The following ANO5 variants were observed in gnomAD, a reference collection of about 807,000 sequenced individuals.
ANO5 encodes anoctamin 5.
ANO5 carries 109 observed loss-of-function variants against 121.0 expected under a neutral mutation model. That is an observed-to-expected ratio of 0.90 (90% CI 0.77 to 1.06). The LOEUF is 1.06. Ranked by LOEUF, ANO5 falls within the 50% of genes least tolerant of loss-of-function variation. ANO5 has a pLI of 0.00. For synonymous variants in ANO5, 406 were observed against 359.9 expected (o/e 1.13, Z -1.45); for missense variants, 1,064 against 1,078.5 (o/e 0.99, Z 0.19).
intron 17 of ANO5, among the ~76,000 whole-genome samples, chr11:22,269,409 AAAG>A (rs1224890192): frequency 5.4e-5 from 8 of 148,376 alleles, no homozygotes; most frequent in Non-Finnish European, 8.9e-5. Flanking sequence ...AAGGAGAAAA[AAAG>A]AGAAGGAAAA....
chr11:22,211,218 C>T (rs755959029), intron 2 of ANO5, 46 bp from the exon 3 acceptor site: 3 of 1,594,678 alleles, frequency 1.9e-6, no homozygotes, highest in Non-Finnish European at 2.6e-6. Context: ...CTTTGCTCCA[C>T]CTGCACTATT....
At chr11:22,260,347 G>A (rs909924257) in intron 15 of ANO5, among the ~76,000 whole-genome samples, 45 of 152,300 alleles carry the variant, frequency 3.0e-4, no homozygotes, top group African/African-American at 1.1e-3. Flanking sequence ...CAAGTTAGCA[G>A]TAAGATCGGA....
intron 9 of ANO5, among the ~76,000 whole-genome samples, chr11:22,242,599 G>T (rs1771944711): frequency 6.6e-6 from 1 of 152,026 alleles, no homozygotes; most frequent in African/African-American, 2.4e-5. Context: ...TCCTTGTAGA[G>T]ATCTTTCACC....
intron 9 of ANO5, among the ~76,000 whole-genome samples, chr11:22,240,859 A>AT (rs1853406551): frequency 6.6e-6 from 1 of 151,564 alleles, no homozygotes; most frequent in Non-Finnish European, 1.5e-5. Context: ...TCATGCTAAT[A>AT]TTTTTCTTTA....
intron 9 of ANO5, among the ~76,000 whole-genome samples, chr11:22,241,578 A>G (rs901345123): frequency 6.6e-6 from 1 of 152,094 alleles, no homozygotes; most frequent in Non-Finnish European, 1.5e-5. Flanking sequence ...CTTTTTAATC[A>G]TAGCCATTCT....
chr11:22,250,758 C>A lies in ANO5; in HGVS notation c.1031C>A (p.Pro344His). The change falls in exon 11 of 22, where the codon CCT becomes CAT. Residue 344 changes from proline to histidine, a missense_variant. Pro to His is a moderately conservative substitution (Grantham distance 77). Transcript: ENST00000324559. ...HNTSSTEICD[P>H]EIGGQMIMCP... ...TCTTGCAGCACTGAAATCTGTGACC[C>A]TGAGATTGGTGGTCAGATGATCATG... The A allele has an allele frequency of 6.2e-7, 1 of 1,613,938 alleles. No homozygotes were observed.
chr11:22,268,265 A>C (rs1045181033), intron 17 of ANO5, among the ~76,000 whole-genome samples: 1 of 146,856 alleles, frequency 6.8e-6, no homozygotes, highest in Non-Finnish European at 1.5e-5. Flanking sequence ...TTTCAATATA[A>C]ACAGTTGACT....
intron 13 of ANO5, 72 bp downstream of exon 13, chr11:22,255,594 T>A: frequency 4.5e-6 from 7 of 1,559,954 alleles, no homozygotes; most frequent in Non-Finnish European, 6.2e-6. Flanking sequence ...TCTCATATAA[T>A]CATAGTTTAT....
At position 22,221,101 on chromosome 11, in the gene ANO5, A is replaced by G. The variant is rs754497228; in HGVS notation, c.185A>G (p.Gln62Arg). The change falls in exon 5 of 22, where the codon CAA becomes CGA. Residue 62 changes from glutamine to arginine, a missense_variant. Physicochemically the swap from Gln to Arg is conservative, Grantham distance 43. Transcript: ENST00000324559. ...TGTCATTTATGTCTCCTGCAGTTTC[A>G]AAAAAATCAGCAAAGCAAAGATTCT... ...NLFLRRRLMF[Q>R]KNQQSKDSIF... 50 of 1,606,458 alleles carry G rather than the reference A, an allele frequency of 3.1e-5. 1 individual carries two copies. Among genetic ancestry groups the G allele is most frequent in the Non-Finnish European group, 3.8e-5 (45 of 1,174,488 alleles).
intron 5 of ANO5, 123 bp from the exon 6 acceptor site, chr11:22,225,861 A>C (rs536164637): frequency 1.4e-6 from 1 of 705,388 alleles, no homozygotes; most frequent in African/African-American, 1.8e-5. Context: ...GCATTTTTAT[A>C]TACAACCATG....
intron 1 of ANO5, among the ~76,000 whole-genome samples, chr11:22,195,539 C>T (rs566784053): frequency 1.8e-3 from 268 of 152,226 alleles, no homozygotes; most frequent in Admixed American, 3.9e-3. Context: ...AGCGATCCTG[C>T]CACCTCAGCC....
chr11:22,252,007 G>A (rs947046513), intron 12 of ANO5, among the ~76,000 whole-genome samples: 1 of 112,500 alleles, frequency 8.9e-6, no homozygotes, highest in Non-Finnish European at 1.6e-5. Flanking sequence ...TCAAGCCTGA[G>A]AGACAGAGCA....
intron 5 of ANO5, among the ~76,000 whole-genome samples, chr11:22,223,641 G>C (rs985341983): frequency 6.6e-6 from 1 of 151,942 alleles, no homozygotes; most frequent in Admixed American, 6.6e-5. Flanking sequence ...CCTTTCTAAA[G>C]TTGCAGGCAG....
chr11:22,205,128 T>C (rs1234234990), intron 2 of ANO5, among the ~76,000 whole-genome samples: 1 of 152,074 alleles, frequency 6.6e-6, no homozygotes, highest in Non-Finnish European at 1.5e-5. Flanking sequence ...TTCTCACTTA[T>C]AAGTTGGAGA....
At chr11:22,233,387 G>A (rs912089934) in intron 7 of ANO5, among the ~76,000 whole-genome samples, 11 of 151,808 alleles carry the variant, frequency 7.2e-5, no homozygotes, top group Non-Finnish European at 1.5e-4. Context: ...AAATTTTCTG[G>A]AAAAACAGAA....
At chr11:22,254,149 A>T (rs1454403381) in intron 12 of ANO5, among the ~76,000 whole-genome samples, 1 of 152,202 alleles carries the variant, frequency 6.6e-6, no homozygotes. Flanking sequence ...AAAAAACAAC[A>T]GTCAGATGAT....
At chr11:22,214,498 A>C (rs1852378364) in intron 3 of ANO5, among the ~76,000 whole-genome samples, 1 of 151,956 alleles carries the variant, frequency 6.6e-6, no homozygotes, top group African/African-American at 2.4e-5. Context: ...ATGGGGTGTA[A>C]GGGAATCTCA....
In ANO5 at chr11:22,193,204, G is replaced by A; in HGVS notation, c.-289G>A. 1 of 1,292,160 alleles carries A rather than the reference G, an allele frequency of 7.7e-7. No individual in the cohort carries two copies. The highest frequency in any genetic ancestry group is 9.9e-7 in the Non-Finnish European group (1 of 1,007,844). The allele number at this position is 1,292,160 out of a possible 1,614,324, so 80.0% of individuals were successfully genotyped here. A position where few individuals can be genotyped will look rare whatever the true frequency, so the allele number is the denominator to read the frequency against. ...GCGCCCAGGAGCGCTACCGGCTGAG[G>A]GTGGGGAAGCGCAGGGCCAAGCGCG... On this transcript the variant is annotated 5_prime_UTR_variant, in exon 1 of 22. Coordinates refer to ENST00000324559, the MANE Select transcript of ANO5 (RefSeq NM_213599.3).
intron 9 of ANO5, among the ~76,000 whole-genome samples, chr11:22,247,369 T>C (rs1040454071): frequency 6.6e-6 from 1 of 152,158 alleles, no homozygotes. Flanking sequence ...AATTTTTCTT[T>C]AGAAACATCA....
Sources: gnomAD v4.1 joint callset for allele counts (sites outside exome capture counted in the v4.1 genomes callset) on GRCh38, gnomAD v4.1.1 for gene constraint, MANE v1.5 for transcripts, NCBI Gene and HGNC (gene_info 2026-07-23, HGNC 2026-07-21) for gene names.